Variants in ARPP21 observed in about 807,000 individuals in gnomAD.
ARPP21 encodes the protein cAMP regulated phosphoprotein 21.
A neutral mutation model predicts 113.2 loss-of-function variants in ARPP21; 69 were observed. The observed-to-expected ratio is 0.61, with a 90% CI of 0.50 to 0.74. ARPP21 has a LOEUF of 0.74. ARPP21 is among the 30% of genes least tolerant of loss of function. ARPP21 has a pLI of 0.00. For missense variants in ARPP21, 1,070 were observed against 1,037.4 expected (o/e 1.03, Z -0.43); for synonymous variants, 368 against 375.5 (o/e 0.98, Z 0.23).
In ARPP21 at chr3:35,706,911, TA is replaced by T. The variant is rs1420866352; in HGVS notation, c.687-57del. 18 of 1,297,696 alleles carry T rather than the reference TA, an allele frequency of 1.4e-5. No individual in the cohort carries two copies. The East Asian group carries it at 2.8e-4, about 20-fold the overall frequency. The allele number at this position is 1,297,696 out of a possible 1,614,324, so 80.4% of individuals were successfully genotyped here. A position where few individuals can be genotyped will look rare whatever the true frequency, so the allele number is the denominator to read the frequency against. On this transcript the variant is annotated intron_variant, in intron 9 of 20. Coordinates refer to ENST00000684406, the MANE Select transcript of ARPP21 (RefSeq NM_001385562.1). The stretch of plus-strand genomic sequence containing the variant: ...TGACACTGTGGGGGAAGAACAACAC[TA>T]AAAAATAACTTTAAACAAGGGGGAA...
At chr3:35,673,831 A>G (rs2076901601) in intron 1 of ARPP21, among the ~76,000 whole-genome samples, 1 of 151,932 alleles carries the variant, frequency 6.6e-6, no homozygotes, top group Non-Finnish European at 1.5e-5. Context: ...TGCTTCTTTC[A>G]CATCTTGGAG....
chr3:35,737,354 G>C lies in ARPP21; in HGVS notation c.1636G>C (p.Val546Leu), dbSNP rs538021735. Residue 546 changes from valine (V) to leucine (L), a missense_variant, in exon 16 of 21, where the codon GTC (valine) becomes CTC (leucine). By Grantham distance (32) the Val-to-Leu change is conservative. Transcript: ENST00000684406. ...GCAGCCACAGATGGCAGGCCCTCTG[G>C]TCACTCAGGTAGGGGGCTGGTTGGA... ...PPQPQMAGPLVTQSVQGLQAS... is the reference protein window; with the variant it reads ...PPQPQMAGPLLTQSVQGLQAS... 1.9e-6 allele frequency: 3 copies of C among 1,607,716 alleles called. No homozygotes were observed. Among genetic ancestry groups the C allele is most frequent in the African/African-American group, 2.7e-5 (2 of 74,992 alleles).
chr3:35,713,998 G>C (rs78687379), intron 11 of ARPP21, among the ~76,000 whole-genome samples: 1,795 of 152,156 alleles, frequency 0.012, 24 homozygotes, highest in Non-Finnish European at 0.013. Flanking sequence ...CCAAATTAAA[G>C]GAAATAAAAG....
At chr3:35,691,268 T>C (rs772063275) in intron 9 of ARPP21, among the ~76,000 whole-genome samples, 37 of 151,668 alleles carry the variant, frequency 2.4e-4, no homozygotes, top group Non-Finnish European at 3.2e-4. Context: ...CTTCCATCAG[T>C]ACTCTATGAA....
At chr3:35,673,068 T>C (rs10446457) in intron 1 of ARPP21, among the ~76,000 whole-genome samples, 13,854 of 152,100 alleles carry the variant, frequency 0.091, 799 homozygotes, top group Non-Finnish European at 0.13. Flanking sequence ...AGTTGTTTCA[T>C]TGGTGTGGTT....
chr3:35,763,717 T>C (rs1187553672), intron 19 of ARPP21, among the ~76,000 whole-genome samples: 1 of 152,296 alleles, frequency 6.6e-6, no homozygotes, highest in Non-Finnish European at 1.5e-5. Flanking sequence ...GCAGTTTAGA[T>C]GTCTGGGTAG....
chr3:35,754,455 G>A (rs1458033855), intron 19 of ARPP21, among the ~76,000 whole-genome samples: 1 of 151,902 alleles, frequency 6.6e-6, no homozygotes, highest in Non-Finnish European at 1.5e-5. Context: ...AGTGGGAGGA[G>A]TCACATGGAT....
Position 35,707,067 on chromosome 3 carries a change from T to C in ARPP21, c.780T>C (p.Asp260=), listed in dbSNP as rs1357752530. The change falls in exon 10 of 21, where the codon GAT becomes GAC. Residue 260 remains aspartate, a synonymous_variant. Coordinates refer to ENST00000684406, the MANE Select transcript of ARPP21 (RefSeq NM_001385562.1). ...TGAAGCGAGATAACTCTAGTATTGA[T>C]AAAGAAGACAATCAGGTTGGTTCTC... ...FILKRDNSSI[D]KEDNQQNRMH... The C allele has an allele frequency of 2.5e-6, 4 of 1,613,022 alleles. No individual in the cohort carries two copies. In the East Asian group the frequency reaches 6.7e-5, roughly 27 times the overall value.
At position 35,677,890 on chromosome 3, in the gene ARPP21, C is replaced by T. The variant is rs563087499; in HGVS notation, c.-212-1897C>T. ...GGCACTGCTTTCTCAGCAAAGAGAA[C>T]AATTTTAATCAGTTACAAAAATATT... On this transcript the variant is annotated intron_variant, in intron 1 of 20. Coordinates refer to ENST00000684406, the MANE Select transcript of ARPP21 (RefSeq NM_001385562.1). Among the ~76,000 whole-genome samples, 4 of 152,070 alleles carry T rather than the reference C, an allele frequency of 2.6e-5. No individual in the cohort carries two copies. The East Asian group carries it at 7.8e-4, about 30-fold the overall frequency.
At chr3:35,643,229 A>T (rs1267518395) in intron 1 of ARPP21, among the ~76,000 whole-genome samples, 3 of 152,122 alleles carry the variant, frequency 2.0e-5, no homozygotes, top group Non-Finnish European at 2.9e-5. Flanking sequence ...TAAACATAAG[A>T]GAAAGTAAGC....
intron 11 of ARPP21, among the ~76,000 whole-genome samples, chr3:35,713,944 C>T (rs951067219): frequency 1.3e-5 from 2 of 152,120 alleles, no homozygotes; most frequent in Non-Finnish European, 2.9e-5. Context: ...AAGCTAACCT[C>T]GCTTTCTTTT....
intron 1 of ARPP21, among the ~76,000 whole-genome samples, chr3:35,655,697 A>G (rs1704534268): frequency 6.6e-6 from 1 of 152,074 alleles, no homozygotes; most frequent in Non-Finnish European, 1.5e-5. Context: ...ATACCATTAC[A>G]GAAGGAAGTA....
At position 35,733,492 on chromosome 3, in the gene ARPP21, CTGACG is replaced by C. The variant is rs573452683; in HGVS notation, c.1460-3682_1460-3678del. ...CCTGCTGAGCGTGCTTGTGCAGTTT[CTGACG>C]TGAAAACCTCCTCTAGGCTAACTAG... On this transcript the variant is annotated intron_variant, in intron 15 of 20. Transcript: ENST00000684406. Among the ~76,000 whole-genome samples the C allele has an allele frequency of 6.4e-3, 970 of 152,328 alleles. 8 individuals carry two copies. The highest frequency in any genetic ancestry group is 9.3e-3 in the Admixed American group (142 of 15,308).
chr3:35,685,481 T>A, intron 5 of ARPP21: 1 of 985,312 alleles, frequency 1.0e-6, no homozygotes, highest in Non-Finnish European at 1.2e-6. Flanking sequence ...TGAGTTTATA[T>A]GCAATGCCTT....
chr3:35,749,678 A>T (rs1218693484), intron 19 of ARPP21, among the ~76,000 whole-genome samples: 7 of 152,028 alleles, frequency 4.6e-5, no homozygotes, highest in Non-Finnish European at 1.0e-4. Flanking sequence ...TTTCAGAAAC[A>T]TTTTTTTAAC....
chr3:35,790,713 T>C (rs1469612708), intron 19 of ARPP21, among the ~76,000 whole-genome samples: 1 of 152,166 alleles, frequency 6.6e-6, no homozygotes, highest in Non-Finnish European at 1.5e-5. Context: ...CTGCCAAGCA[T>C]ATTAAAGGAA....
intron 6 of ARPP21, 80 bp downstream of exon 6, chr3:35,687,963 A>G: frequency 7.6e-7 from 1 of 1,317,624 alleles, no homozygotes; most frequent in Non-Finnish European, 1.0e-6. Context: ...TTTCACATGC[A>G]TATTCACCTC....
In ARPP21 at chr3:35,794,301, A is replaced by C. The variant is rs2096798305; in HGVS notation, c.*343A>C. ...GAGTTTGTGATGCTAAAAGTATTTA[A>C]AAATTATATACTAAATCACATTGTA... On this transcript the variant is annotated 3_prime_UTR_variant, in exon 21 of 21. Transcript: ENST00000684406. 1 of 265,644 alleles carries C rather than the reference A, an allele frequency of 3.8e-6. No individual in the cohort carries two copies. 16.5% of individuals were successfully genotyped at this position (265,644 alleles called of 1,614,324 possible). A position where few individuals can be genotyped will look rare whatever the true frequency, so the allele number is the denominator to read the frequency against.
At chr3:35,641,881 G>A (rs965555225) in intron 1 of ARPP21, among the ~76,000 whole-genome samples, 2 of 152,058 alleles carry the variant, frequency 1.3e-5, no homozygotes, top group Non-Finnish European at 2.9e-5. Flanking sequence ...CTTATCAATA[G>A]TATTTTGATT....
Sources: allele counts gnomAD v4.1 joint callset (sites outside exome capture counted in the v4.1 genomes callset), GRCh38; gene constraint gnomAD v4.1.1; transcripts MANE v1.5; gene names NCBI Gene and HGNC (gene_info 2026-07-23, HGNC 2026-07-21).